LRP1B: variants seen among roughly 807,000 people sequenced by gnomAD.
LRP1B encodes the protein LDL receptor related protein 1B.
A neutral mutation model predicts 556.6 loss-of-function variants in LRP1B; 217 were observed. The ratio of observed to expected loss-of-function variants is 0.39; its 90% CI spans 0.35 to 0.44. LRP1B has a LOEUF of 0.44. LRP1B is among the 20% of genes least tolerant of loss of function. The pLI, the probability that LRP1B is intolerant of heterozygous loss-of-function variation, is 1.00. For synonymous variants in LRP1B, 2,047 were observed against 1,865.8 expected, an observed-to-expected ratio of 1.10 and a Z score of -2.50; for missense variants, 5,053 against 5,620.8, an observed-to-expected ratio of 0.90 and a Z score of 3.23.
chr2:142,124,501 T>C (rs147380722), intron 1 of LRP1B, among the ~76,000 whole-genome samples: 60 of 151,982 alleles, frequency 3.9e-4, no homozygotes, highest in African/African-American at 1.4e-3. Context: ...TGAGAGAAAA[T>C]CTTTGAAATC....
intron 15 of LRP1B, among the ~76,000 whole-genome samples, chr2:141,001,248 G>C (rs142662631): frequency 2.4e-3 from 366 of 152,076 alleles, no homozygotes; most frequent in Non-Finnish European, 4.2e-3. Context: ...AATAAAACTA[G>C]ATTTAAAAAT....
chr2:141,670,540 T>C (rs1690627303), intron 2 of LRP1B, among the ~76,000 whole-genome samples: 2 of 152,136 alleles, frequency 1.3e-5, no homozygotes, highest in African/African-American at 2.4e-5. Flanking sequence ...GGGCCAGATA[T>C]GTTGGATCAG....
chr2:141,566,126 T>C (rs1244596195), intron 2 of LRP1B, among the ~76,000 whole-genome samples: 1 of 151,218 alleles, frequency 6.6e-6, no homozygotes, highest in Non-Finnish European at 1.5e-5. Flanking sequence ...CAACTACTGT[T>C]CTTTGTCAAC....
At chr2:140,382,064 G>A (rs1683530901) in intron 67 of LRP1B, among the ~76,000 whole-genome samples, 1 of 152,058 alleles carries the variant, frequency 6.6e-6, no homozygotes, top group Non-Finnish European at 1.5e-5. Context: ...AGAGTTAATG[G>A]CAGAGCAGAA....
intron 67 of LRP1B, 151 bp from the exon 68 acceptor site, chr2:140,378,437 A>C: frequency 1.8e-6 from 1 of 557,078 alleles, no homozygotes; most frequent in South Asian, 2.8e-5. Flanking sequence ...CTCATGAAGC[A>C]TCTATGGTAC....
chr2:140,787,604 T>C (rs1689954385), intron 32 of LRP1B, among the ~76,000 whole-genome samples: 1 of 143,544 alleles, frequency 7.0e-6, no homozygotes, highest in Non-Finnish European at 1.5e-5. Flanking sequence ...AGGTTCTCAT[T>C]CTGTCATTCA....
In LRP1B at chr2:141,594,766, AG is replaced by A. The variant is rs1321586744; in HGVS notation, c.206-114234del. Among the ~76,000 whole-genome samples, 15 of 152,266 alleles carry A rather than the reference AG, an allele frequency of 9.9e-5. No homozygotes were observed. The South Asian group carries it at 1.2e-3, about 13-fold the overall frequency. On this transcript the variant is annotated intron_variant, in intron 2 of 90. Transcript: ENST00000389484. ...CCTTGGATATAAGCCAAAAAGAAAA[AG>A]AAGATAATTTTTTGAGTTAATATTT...
intron 43 of LRP1B, among the ~76,000 whole-genome samples, chr2:140,574,733 A>G (rs1342625819): frequency 1.3e-5 from 2 of 152,200 alleles, no homozygotes; most frequent in Non-Finnish European, 2.9e-5. Flanking sequence ...TCCTTTAGTC[A>G]TGTCAGATAA....
At chr2:140,603,900 CAT>C (rs371967326) in intron 41 of LRP1B, among the ~76,000 whole-genome samples, 1 of 151,962 alleles carries the variant, frequency 6.6e-6, no homozygotes, top group African/African-American at 2.4e-5. Context: ...TGAGATAAGA[CAT>C]ATTTCTCAAT....
chr2:141,640,853 T>A (rs1414630538), intron 2 of LRP1B, among the ~76,000 whole-genome samples: 1 of 152,036 alleles, frequency 6.6e-6, no homozygotes, highest in African/African-American at 2.4e-5. Flanking sequence ...ACTCTATTGG[T>A]TCTTCCCCAA....
At chr2:140,550,845 C>T (rs141466015) in intron 43 of LRP1B, among the ~76,000 whole-genome samples, 48 of 152,210 alleles carry the variant, frequency 3.2e-4, no homozygotes, top group African/African-American at 1.2e-3. Flanking sequence ...CCCCTTCCCG[C>T]AAATTCAGGT....
chr2:142,061,006 A>G (rs1195581988), intron 1 of LRP1B, among the ~76,000 whole-genome samples: 1 of 151,958 alleles, frequency 6.6e-6, no homozygotes, highest in African/African-American at 2.4e-5. Flanking sequence ...CTTGAGATAT[A>G]AGAGGATTTA....
chr2:140,870,510 G>A (rs1233790425), intron 25 of LRP1B, among the ~76,000 whole-genome samples: 1 of 152,024 alleles, frequency 6.6e-6, no homozygotes, highest in African/African-American at 2.4e-5. Context: ...AATCCTGTAT[G>A]CCTTTTCTTC....
intron 1 of LRP1B, among the ~76,000 whole-genome samples, chr2:141,889,266 A>C (rs932942134): frequency 6.6e-6 from 1 of 152,188 alleles, no homozygotes; most frequent in Non-Finnish European, 1.5e-5. Flanking sequence ...CTCAGAGGAG[A>C]TAAATATTAT....
chr2:140,561,699 C>A (rs955674484), intron 43 of LRP1B, among the ~76,000 whole-genome samples: 34 of 151,966 alleles, frequency 2.2e-4, no homozygotes, highest in Admixed American at 2.0e-3. Context: ...AACATCTATA[C>A]AAATTTCCTC....
At chr2:140,492,413 T>C (rs1489606216) in intron 57 of LRP1B, among the ~76,000 whole-genome samples, 195 bp downstream of exon 57, 1 of 152,202 alleles carries the variant, frequency 6.6e-6, no homozygotes, top group Non-Finnish European at 1.5e-5. Flanking sequence ...CGCATATTTC[T>C]GTTACTATTA....
rs2105302999 is a variant in LRP1B at position 140,951,923 on chromosome 2, G to T, written c.2905C>A (p.Pro969Thr). The T allele has an allele frequency of 2.5e-6, 4 of 1,613,468 alleles. No individual in the cohort carries two copies. The highest frequency in any genetic ancestry group is 2.2e-5 in the South Asian group (2 of 91,060). ...MASCEFPTCE[P>T]LTQFVCKSGR... ...CTTTTGCATACGAATTGGGTTAGTG[G>T]CTCACAAGTTGGGAATTCTGTGAAA... Residue 969 changes from proline (P) to threonine (T), a missense_variant, in exon 19 of 91, where the codon CCA (proline) becomes ACA (threonine). Transcript: ENST00000389484.
In LRP1B at chr2:140,358,844, T is replaced by C; in HGVS notation, c.11234A>G (p.Asn3745Ser). The stretch of plus-strand genomic sequence containing the variant: ...ACCACCACAGTGATCTTCATCTGAA[T>C]TGTCACCGCATTCATCAATCCCATT... ...MCNGIDECGDNSDEDHCGGKL... is the reference protein window; with the variant it reads ...MCNGIDECGDSSDEDHCGGKL... Residue 3745 changes from asparagine (N) to serine (S), a missense_variant, in exon 73 of 91, where the codon AAT becomes AGT. Transcript: ENST00000389484. 11 of 1,608,796 alleles carry C rather than the reference T, an allele frequency of 6.8e-6. No homozygotes were observed. Among genetic ancestry groups the C allele is most frequent in the Non-Finnish European group, 7.7e-6 (9 of 1,176,078 alleles).
intron 21 of LRP1B, among the ~76,000 whole-genome samples, chr2:140,920,968 TA>T (rs1694721102): frequency 6.6e-6 from 1 of 152,050 alleles, no homozygotes; most frequent in Non-Finnish European, 1.5e-5. Flanking sequence ...ACTTCAGATT[TA>T]TTTTGATGTT....
Sources: gnomAD v4.1 joint callset for allele counts (sites outside exome capture counted in the v4.1 genomes callset) on GRCh38, gnomAD v4.1.1 for gene constraint, MANE v1.5 for transcripts, NCBI Gene and HGNC (gene_info 2026-07-23, HGNC 2026-07-21) for gene names.